The following ZNF362 variants were observed in gnomAD, a reference collection of about 807,000 sequenced individuals.
The protein encoded by ZNF362 is rotund homolog.
In ZNF362, 11 loss-of-function variants were observed where a neutral mutation model predicts 42.9. The observed-to-expected ratio is 0.26, with a 90% CI of 0.16 to 0.42. The LOEUF (loss-of-function observed/expected upper bound fraction) is 0.42, where lower values mean the gene tolerates loss of function less well. Among genes scored for constraint, ZNF362 ranks in the 20% least tolerant of loss-of-function variants. The probability of loss-of-function intolerance (pLI) is 1.00; values close to 1 mark genes in which losing one functional copy is unlikely to be tolerated. For missense variants in ZNF362, 362 were observed against 576.2 expected (o/e 0.63, Z 3.81); for synonymous variants, 255 against 257.3 (o/e 0.99, Z 0.09).
In ZNF362 at chr1:33,256,671, G is replaced by GGCGCGCGGGGAGCGGGCCCAGC. The variant is rs1428698894; in HGVS notation, c.-89+19_-89+40dup. 6.9e-6 allele frequency: 1 copy of GGCGCGCGGGGAGCGGGCCCAGC among 145,552 alleles called. No individual in the cohort carries two copies. Among genetic ancestry groups the GGCGCGCGGGGAGCGGGCCCAGC allele is most frequent in the East Asian group, 2.0e-4 (1 of 4,944 alleles). The allele number at this position is 145,552 out of a possible 1,614,324, so 9.0% of individuals were successfully genotyped here. ...CACAGCCAGGTCCGTGCGGGCCCGGGGCGCGCGGGGAGCGGGCCCAGCGGC... is the reference window on the plus strand; with the variant it reads ...CACAGCCAGGTCCGTGCGGGCCCGGGGCGCGCGGGGAGCGGGCCCAGCGCGCGCGGGGAGCGGGCCCAGCGGC... On this transcript the variant is annotated intron_variant, in intron 1 of 8. Transcript: ENST00000539719.
Position 33,281,641 on chromosome 1 carries a change from C to T in ZNF362, c.738C>T (p.Ser246=), listed in dbSNP as rs148051789. The change falls in exon 6 of 9, where the codon TCC becomes TCT. Residue 246 remains serine, a synonymous_variant. Transcript: ENST00000539719. The surrounding 1 kb of genome is among the most constrained non-coding windows in gnomAD (Gnocchi z 4.8). Reference sequence around the variant, plus strand: ...CCAAGTCAGAGATGCAGATCCACTCCAAGTCGCACACAGAGGCCAAGCCCC... The same window carrying T: ...CCAAGTCAGAGATGCAGATCCACTCTAAGTCGCACACAGAGGCCAAGCCCC... ...FFTKSEMQIH[S]KSHTEAKPHK... is the part of the protein sequence containing the mutation. 5.0e-6 allele frequency: 8 copies of T among 1,614,240 alleles called. No homozygotes were observed. Among genetic ancestry groups the T allele is most frequent in the Non-Finnish European group, 6.8e-6 (8 of 1,180,040 alleles).
chr1:33,212,055 T>G, the ZNF362 span, among the ~76,000 whole-genome samples: 1 of 152,192 alleles, frequency 6.6e-6, no homozygotes, highest in African/African-American at 2.4e-5. Context: ...ATGGTTAACA[T>G]CATCTCCCTT....
chr1:33,236,550 A>AAATATATATAT, the ZNF362 span, among the ~76,000 whole-genome samples: 2 of 5,978 alleles, frequency 3.3e-4, no homozygotes, highest in African/African-American at 7.8e-4. Context: ...AAAAAAAAAA[A>AAATATATATAT]ATATATATAT....
intron 1 of ZNF362, among the ~76,000 whole-genome samples, chr1:33,261,982 A>T (rs545636794): frequency 3.9e-5 from 6 of 152,328 alleles, no homozygotes; most frequent in African/African-American, 1.4e-4. Flanking sequence ...TTGGATGCAC[A>T]GGGTGTGCCT....
chr1:33,288,415 G>A (rs1646047218), intron 6 of ZNF362, among the ~76,000 whole-genome samples: 1 of 152,158 alleles, frequency 6.6e-6, no homozygotes, highest in Admixed American at 6.5e-5. Context: ...ACTAGCTTCA[G>A]CTCAGCTTCC....
At position 33,256,905 on chromosome 1, in the gene ZNF362, TGTGTGTGC is replaced by T. The variant is rs1180938771; in HGVS notation, c.-89+259_-89+266del. 2.0e-5 allele frequency among the ~76,000 whole-genome samples: 3 copies of T among 148,902 alleles called. No homozygotes were observed. In the Admixed American group the frequency reaches 2.0e-4, roughly 10 times the overall value. ...GGCGTGTCTGGGGCTGGTCTCCGAG[TGTGTGTGC>T]GTGTGTGTGTGTGCGCGCGCGTGTG... On this transcript the variant is annotated intron_variant, in intron 1 of 8. Coordinates refer to ENST00000539719, the MANE Select transcript of ZNF362 (RefSeq NM_152493.3).
At chr1:33,183,786 G>A in the ZNF362 span, among the ~76,000 whole-genome samples, 1 of 152,234 alleles carries the variant, frequency 6.6e-6, no homozygotes, top group African/African-American at 2.4e-5. Flanking sequence ...CTCCCAGTCT[G>A]AGGATGCAGC....
the ZNF362 span, among the ~76,000 whole-genome samples, chr1:33,139,472 C>T: frequency 5.5e-4 from 84 of 152,292 alleles, no homozygotes; most frequent in African/African-American, 1.9e-3. Context: ...GTCAGTGAAT[C>T]TCCTGGACCT....
the ZNF362 span, among the ~76,000 whole-genome samples, chr1:33,160,507 C>T: frequency 3.9e-5 from 6 of 152,094 alleles, no homozygotes; most frequent in African/African-American, 1.2e-4. Context: ...TGGGTTCAGG[C>T]GATTCTCCAG....
At chr1:33,250,617 G>T in the ZNF362 span, among the ~76,000 whole-genome samples, 1 of 152,110 alleles carries the variant, frequency 6.6e-6, no homozygotes, top group African/African-American at 2.4e-5. Flanking sequence ...GCATCAGGAA[G>T]AAGAGCTAAT....
chr1:33,169,531 CT>C, the ZNF362 span, among the ~76,000 whole-genome samples: 7 of 152,266 alleles, frequency 4.6e-5, no homozygotes, highest in East Asian at 1.2e-3. Flanking sequence ...ATGCTTCCCC[CT>C]CTCACTCTCC....
chr1:33,158,076 G>A, the ZNF362 span, among the ~76,000 whole-genome samples: 3 of 152,130 alleles, frequency 2.0e-5, no homozygotes, highest in Non-Finnish European at 4.4e-5. Flanking sequence ...TGTTATGAAG[G>A]TCCACTGAGC....
At chr1:33,195,526 C>A in the ZNF362 span, 1 of 152,322 alleles carries the variant, frequency 6.6e-6, no homozygotes, top group South Asian at 2.1e-4. Context: ...CTACTACACA[C>A]CTGGGCTACA....
chr1:33,192,700 G>C, the ZNF362 span, among the ~76,000 whole-genome samples: 1 of 152,222 alleles, frequency 6.6e-6, no homozygotes, highest in South Asian at 2.1e-4. Context: ...GTTAAGAGTG[G>C]TTGCTAACAG....
At chr1:33,181,246 C>G in the ZNF362 span, 1 of 1,552,774 alleles carries the variant, frequency 6.4e-7, no homozygotes, top group Non-Finnish European at 8.7e-7. This position sits in a 1 kb window ranked among gnomAD's most constrained non-coding sequence, Gnocchi z 6.5. Context: ...AGGCTGGGCG[C>G]CAGCGCGGGC....
Position 33,266,200 on chromosome 1 carries a change from CA to C in ZNF362, c.-88-4286del, listed in dbSNP as rs1645863874. 6.6e-6 allele frequency among the ~76,000 whole-genome samples: 1 copy of C among 152,218 alleles called. No individual in the cohort carries two copies. Among genetic ancestry groups the C allele is most frequent in the Non-Finnish European group, 1.5e-5 (1 of 68,046 alleles). ...AACCTTTGCTCTCCCAGGGAGTTAA[CA>C]GTTTTCCAGCTTCTGCACATGCTGC... On this transcript the variant is annotated intron_variant, in intron 1 of 8. Transcript: ENST00000539719. The surrounding 1 kb of genome is among the most constrained non-coding windows in gnomAD (Gnocchi z 4.3).
chr1:33,201,403 A>G, the ZNF362 span, among the ~76,000 whole-genome samples: 1 of 152,198 alleles, frequency 6.6e-6, no homozygotes, highest in Non-Finnish European at 1.5e-5. Flanking sequence ...TGAAACAAGG[A>G]TTGATAAATT....
the ZNF362 span, chr1:33,163,988 G>C: frequency 6.6e-6 from 1 of 152,550 alleles, no homozygotes; most frequent in Admixed American, 6.5e-5. Flanking sequence ...GATGTGGAGA[G>C]AAGAGAGTGC....
intron 6 of ZNF362, among the ~76,000 whole-genome samples, chr1:33,287,434 T>C (rs1646040686): frequency 6.6e-6 from 1 of 152,174 alleles, no homozygotes; most frequent in Admixed American, 6.6e-5. Context: ...TGCAGTGAGC[T>C]GAGATCACGC....
Sources: allele counts gnomAD v4.1 joint callset (sites outside exome capture counted in the v4.1 genomes callset), GRCh38; gene constraint gnomAD v4.1.1; non-coding constraint Gnocchi (gnomAD v3.1); transcripts MANE v1.5; gene names NCBI Gene and HGNC (gene_info 2026-07-23, HGNC 2026-07-21).